The following PPHLN1 variants were observed in gnomAD, a reference collection of about 807,000 sequenced individuals.
PPHLN1 encodes the protein periphilin 1, also known as periphilin-1.
A neutral mutation model predicts 51.3 loss-of-function variants in PPHLN1; 29 were observed. The ratio of observed to expected loss-of-function variants is 0.57; its 90% CI spans 0.42 to 0.77. The LOEUF (loss-of-function observed/expected upper bound fraction) is 0.77, where lower values mean the gene tolerates loss of function less well. Among genes scored for constraint, PPHLN1 ranks in the 30% least tolerant of loss-of-function variants. The pLI, the probability that PPHLN1 is intolerant of heterozygous loss-of-function variation, is 0.00. For synonymous variants in PPHLN1, 147 were observed against 147.8 expected (o/e 0.99, Z 0.04); for missense variants, 436 against 438.4 (o/e 0.99, Z 0.05).
intron 1 of PPHLN1, among the ~76,000 whole-genome samples, chr12:42,327,352 T>C (rs1468707068): frequency 6.6e-6 from 1 of 152,238 alleles, no homozygotes; most frequent in Non-Finnish European, 1.5e-5. Context: ...ACGTAGATTT[T>C]CCTGCCAGCC....
Position 42,393,641 on chromosome 12 carries a change from G to C in PPHLN1, c.720G>C (p.Lys240Asn). 1 of 1,611,616 alleles carries C rather than the reference G, an allele frequency of 6.2e-7. No homozygotes were observed. The highest frequency in any genetic ancestry group is 8.5e-7 in the Non-Finnish European group (1 of 1,179,104). The change falls in exon 8 of 10, where the codon AAG becomes AAC. Residue 240 changes from lysine to asparagine, a missense_variant. By Grantham distance (94) the Lys-to-Asn change is moderately conservative. Coordinates refer to ENST00000358314, the MANE Select transcript of PPHLN1 (RefSeq NM_201439.2). Reference sequence around the variant, plus strand: ...CTGCAAGCAAGTGGGCTGCTGAAAAGCTAGAGAAATCAGATGAAAGTAACT... The same window carrying C: ...CTGCAAGCAAGTGGGCTGCTGAAAACCTAGAGAAATCAGATGAAAGTAACT... ...AEAASKWAAE[K>N]LEKSDESNLP...
intron 2 of PPHLN1, among the ~76,000 whole-genome samples, chr12:42,345,670 A>G (rs1425478648): frequency 6.6e-6 from 1 of 151,198 alleles, no homozygotes; most frequent in Non-Finnish European, 1.5e-5. Flanking sequence ...AGAAGCAGTG[A>G]AAATTGATAT....
At position 42,374,843 on chromosome 12, in the gene PPHLN1, T is replaced by TG. The variant is rs752464886; in HGVS notation, c.300-19dup. 2.4e-5 allele frequency: 34 copies of TG among 1,394,326 alleles called. No homozygotes were observed. The highest frequency in any genetic ancestry group is 3.2e-5 in the Non-Finnish European group (32 of 1,012,526). The allele number at this position is 1,394,326 out of a possible 1,614,324, so 86.4% of individuals were successfully genotyped here. A position where few individuals can be genotyped will look rare whatever the true frequency, so the allele number is the denominator to read the frequency against. ...GATAGAGTATAATTAACTTATTTTATGTTTTTTTTTTTTTCAAAGGGACAT... is the reference window on the plus strand; with the variant it reads ...GATAGAGTATAATTAACTTATTTTATGGTTTTTTTTTTTTTCAAAGGGACAT... On this transcript the variant is annotated intron_variant, in intron 4 of 9. Transcript: ENST00000358314.
intron 8 of PPHLN1, among the ~76,000 whole-genome samples, chr12:42,397,476 T>C (rs1483884778): frequency 6.6e-6 from 1 of 152,188 alleles, no homozygotes; most frequent in Admixed American, 6.5e-5. Context: ...CCTTTTTCAC[T>C]TGCTTTTTGT....
At chr12:42,337,157 T>C (rs896351940) in intron 2 of PPHLN1, among the ~76,000 whole-genome samples, 1 of 152,190 alleles carries the variant, frequency 6.6e-6, no homozygotes, top group East Asian at 1.9e-4. Context: ...ATTCTGTAGT[T>C]TACCTGTAGG....
At position 42,441,649 on chromosome 12, in the gene PPHLN1, A is replaced by G; in HGVS notation, c.*140A>G. On this transcript the variant is annotated 3_prime_UTR_variant, in exon 10 of 10. Coordinates refer to ENST00000358314, the MANE Select transcript of PPHLN1 (RefSeq NM_201439.2). ...AGTTGACAACATTTCAGTATTAAAT[A>G]AACATCTAAAATAGTCTGTTTAAAA... 2 of 1,312,314 alleles carry G rather than the reference A, an allele frequency of 1.5e-6. No homozygotes were observed. Among genetic ancestry groups the G allele is most frequent in the Non-Finnish European group, 2.0e-6 (2 of 1,017,162 alleles). The allele number at this position is 1,312,314 out of a possible 1,614,324, so 81.3% of individuals were successfully genotyped here. A position where few individuals can be genotyped will look rare whatever the true frequency, so the allele number is the denominator to read the frequency against.
intron 9 of PPHLN1, among the ~76,000 whole-genome samples, chr12:42,412,841 G>A (rs752204980): frequency 9.6e-5 from 14 of 145,702 alleles, no homozygotes; most frequent in Non-Finnish European, 1.0e-4. Flanking sequence ...GTGGTATCTC[G>A]TTGTTTTAAT....
chr12:42,390,818 GTT>G lies in PPHLN1; in HGVS notation c.649-2735_649-2734del, dbSNP rs34282980. ...CATTTTTTTTTTCACAGACCGTGAAGTTTTTTTTTTTTTTTTTTGTATATAAA... is the reference window on the plus strand; with the variant it reads ...CATTTTTTTTTTCACAGACCGTGAAGTTTTTTTTTTTTTTTTGTATATAAA... On this transcript the variant is annotated intron_variant, in intron 7 of 9. Coordinates refer to ENST00000358314, the MANE Select transcript of PPHLN1 (RefSeq NM_201439.2). Among the ~76,000 whole-genome samples, 233 of 118,566 alleles carry G rather than the reference GTT, an allele frequency of 2.0e-3. 1 individual carries two copies. The highest frequency in any genetic ancestry group is 5.3e-3 in the Middle Eastern group (1 of 188). 77.8% of individuals were successfully genotyped at this position (118,566 alleles called of 152,430 possible). A position where few individuals can be genotyped will look rare whatever the true frequency, so the allele number is the denominator to read the frequency against.
In PPHLN1 at chr12:42,374,889, A is replaced by G; in HGVS notation, c.326A>G (p.Lys109Arg). ...YRDMRDGFRR[K>R]SFYSSHYARE... is the part of the protein sequence containing the mutation. Reference sequence around the variant, plus strand: ...GACATGAGAGATGGCTTTAGAAGAAAAAGTTTCTACTCTTCCCATTATGCG... The same window carrying G: ...GACATGAGAGATGGCTTTAGAAGAAGAAGTTTCTACTCTTCCCATTATGCG... The change falls in exon 5 of 10, where the codon AAA becomes AGA. Residue 109 changes from lysine to arginine, a missense_variant. By Grantham distance (26) the Lys-to-Arg change is conservative. Coordinates refer to ENST00000358314, the MANE Select transcript of PPHLN1 (RefSeq NM_201439.2). 1.2e-6 allele frequency: 2 copies of G among 1,612,518 alleles called. No homozygotes were observed. Among genetic ancestry groups the G allele is most frequent in the Non-Finnish European group, 1.7e-6 (2 of 1,179,552 alleles).
chr12:42,390,164 G>T (rs2077563981), intron 7 of PPHLN1, among the ~76,000 whole-genome samples: 1 of 152,138 alleles, frequency 6.6e-6, no homozygotes, highest in Non-Finnish European at 1.5e-5. Flanking sequence ...TATATACTGG[G>T]TGTCTGGGGG....
chr12:42,429,520 C>T (rs1378329127), intron 9 of PPHLN1, among the ~76,000 whole-genome samples: 2 of 152,218 alleles, frequency 1.3e-5, no homozygotes, highest in Non-Finnish European at 2.9e-5. Context: ...TCTTAGTGCT[C>T]CCTGCAACTC....
intron 4 of PPHLN1, 149 bp downstream of exon 4, chr12:42,355,371 C>T: frequency 1.6e-6 from 1 of 640,642 alleles, no homozygotes; most frequent in Non-Finnish European, 2.7e-6. Flanking sequence ...CTTTTTGTGA[C>T]TATGTAGTAT....
chr12:42,340,990 T>G (rs2071406673), intron 2 of PPHLN1, among the ~76,000 whole-genome samples: 1 of 150,938 alleles, frequency 6.6e-6, no homozygotes, highest in Non-Finnish European at 1.5e-5. Flanking sequence ...TTTCTTTTTT[T>G]TTTTTTTTGA....
In PPHLN1 at chr12:42,351,999, G is replaced by C; in HGVS notation, c.187G>C (p.Glu63Gln). 1 of 1,556,262 alleles carries C rather than the reference G, an allele frequency of 6.4e-7. No homozygotes were observed. Among genetic ancestry groups the C allele is most frequent in the South Asian group, 1.2e-5 (1 of 80,130 alleles). ...TCATGTTGATTACCGAGACTATGAC[G>C]AGGGCCGCAGTTTTTCTCATGATCG... ...YSHVDYRDYD[E>Q]GRSFSHDRRS... The change falls in exon 3 of 10, where the codon GAG becomes CAG. Residue 63 changes from glutamate (E) to glutamine (Q), a missense_variant. Transcript: ENST00000358314.
At chr12:42,415,007 C>T (rs1024439458) in intron 9 of PPHLN1, among the ~76,000 whole-genome samples, 3 of 152,120 alleles carry the variant, frequency 2.0e-5, no homozygotes, top group African/African-American at 4.8e-5. Context: ...GACTCTTACT[C>T]GTGGTAGCAG....
chr12:42,403,054 G>A (rs1044079194), intron 9 of PPHLN1, among the ~76,000 whole-genome samples: 9 of 152,292 alleles, frequency 5.9e-5, no homozygotes, highest in Admixed American at 5.9e-4. Flanking sequence ...TCAGCTTTTA[G>A]CATATGATGC....
intron 9 of PPHLN1, among the ~76,000 whole-genome samples, chr12:42,401,455 A>G (rs960316774): frequency 2.8e-5 from 4 of 142,254 alleles, no homozygotes; most frequent in Admixed American, 7.1e-5. Flanking sequence ...GTGGACCGCT[A>G]CTGGTCTGTG....
At chr12:42,444,292 C>T (rs1212393113), downstream of PPHLN1, 1 of 151,558 alleles carries the variant, frequency 6.6e-6, no homozygotes, top group East Asian at 1.9e-4. Context: ...TATCTTTGCC[C>T]CACCTTGGGC....
intron 9 of PPHLN1, among the ~76,000 whole-genome samples, chr12:42,417,091 A>G (rs2080458366): frequency 6.6e-6 from 1 of 152,212 alleles, no homozygotes; most frequent in Non-Finnish European, 1.5e-5. Context: ...TTAAATTGGT[A>G]GAGTCTGAAA....
Sources: allele counts gnomAD v4.1 joint callset (sites outside exome capture counted in the v4.1 genomes callset), GRCh38; gene constraint gnomAD v4.1.1; transcripts MANE v1.5; gene names NCBI Gene and HGNC (gene_info 2026-07-23, HGNC 2026-07-21).